Variants in RAB11FIP3 observed in about 807,000 individuals in gnomAD.
The protein encoded by RAB11FIP3 is RAB11 family interacting protein 3.
A neutral mutation model predicts 77.8 loss-of-function variants in RAB11FIP3; 17 were observed. That is an observed-to-expected ratio of 0.22 (90% CI 0.15 to 0.33). The LOEUF is 0.33. RAB11FIP3 is among the 10% of genes least tolerant of loss of function. The pLI is 1.00. For missense variants in RAB11FIP3, 1,005 were observed against 1,011.2 expected (o/e 0.99, Z 0.08); for synonymous variants, 437 against 448.2 (o/e 0.98, Z 0.31).
intron 1 of RAB11FIP3, among the ~76,000 whole-genome samples, chr16:447,733 A>G (rs936368666): frequency 2.0e-5 from 3 of 152,092 alleles, no homozygotes; most frequent in Admixed American, 2.0e-4. Context: ...GCGAGACTCC[A>G]TCTCCAAAAA....
At chr16:477,196 G>A (rs954855068) in intron 3 of RAB11FIP3, among the ~76,000 whole-genome samples, 1 of 152,102 alleles carries the variant, frequency 6.6e-6, no homozygotes, top group Non-Finnish European at 1.5e-5. Context: ...AGAGGTTGCA[G>A]TGAGCCAAGA....
rs558550444 is a variant in RAB11FIP3 at position 427,461 on chromosome 16, C to A, written c.714+741C>A. ...CACAGTACAGTGTGGAAGGGGTCCA[C>A]GCGGTCCTCAGGGCACCTGCTCCTG... On this transcript the variant is annotated intron_variant, in intron 1 of 13. Coordinates refer to ENST00000262305, the MANE Select transcript of RAB11FIP3 (RefSeq NM_014700.4). Among the ~76,000 whole-genome samples the A allele has an allele frequency of 2.2e-4, 34 of 152,336 alleles. 1 individual carries two copies. The South Asian group carries it at 6.8e-3, about 31-fold the overall frequency.
rs2055818846 is a variant in RAB11FIP3 at position 472,030 on chromosome 16, C to T, written c.903+641C>T. On this transcript the variant is annotated intron_variant, in intron 3 of 13. Transcript: ENST00000262305. This position sits in a 1 kb window ranked among gnomAD's most constrained non-coding sequence, Gnocchi z 4.1. ...GCCGCCGGGAAGGTGGAGGTGGCAG[C>T]CGCCAGTCCTGGTCAGCCTGCTGCC... Among the ~76,000 whole-genome samples, 1 of 152,188 alleles carries T rather than the reference C, an allele frequency of 6.6e-6. No individual in the cohort carries two copies.
intron 7 of RAB11FIP3, among the ~76,000 whole-genome samples, chr16:503,954 A>C (rs1203964985): frequency 1.4e-4 from 6 of 43,408 alleles, no homozygotes; most frequent in Admixed American, 3.4e-4. Flanking sequence ...TGTACCCCTC[A>C]TCTCCTCCTG....
At chr16:433,692 C>CAA (rs879788474) in intron 1 of RAB11FIP3, among the ~76,000 whole-genome samples, 2 of 134,106 alleles carry the variant, frequency 1.5e-5, no homozygotes, top group Admixed American at 7.5e-5. Flanking sequence ...ACTAAAAATA[C>CAA]AAAAAAAAAA....
intron 2 of RAB11FIP3, among the ~76,000 whole-genome samples, chr16:463,912 G>T (rs1286918870): frequency 6.6e-6 from 1 of 152,206 alleles, no homozygotes; most frequent in African/African-American, 2.4e-5. Context: ...GCTGCTGTCA[G>T]CGTAGCAGGC....
Position 507,545 on chromosome 16 carries a change from C to G in RAB11FIP3, c.1499+1918C>G, listed in dbSNP as rs959900591. Reference sequence around the variant, plus strand: ...CAGAGGCGTGAGCCACCATGTCCAGCCTAGATGCCTTTGTCGAGTTGACTG... The same window carrying G: ...CAGAGGCGTGAGCCACCATGTCCAGGCTAGATGCCTTTGTCGAGTTGACTG... On this transcript the variant is annotated intron_variant, in intron 8 of 13. Coordinates refer to ENST00000262305, the MANE Select transcript of RAB11FIP3 (RefSeq NM_014700.4). This position sits in a 1 kb window ranked among gnomAD's most constrained non-coding sequence, Gnocchi z 4.6. 5.3e-5 allele frequency among the ~76,000 whole-genome samples: 8 copies of G among 152,368 alleles called. No homozygotes were observed. Among genetic ancestry groups the G allele is most frequent in the Admixed American group, 5.2e-4 (8 of 15,300 alleles).
At chr16:520,655 G>A in intron 13 of RAB11FIP3, 56 bp downstream of exon 13, 14 of 1,610,980 alleles carry the variant, frequency 8.7e-6, no homozygotes, top group Non-Finnish European at 1.2e-5. Context: ...TGCACTGTCT[G>A]TGCGCTGTGG....
Position 488,401 on chromosome 16 carries a change from GATTT to G in RAB11FIP3, c.1116-437_1116-434del, listed in dbSNP as rs1193745841. On this transcript the variant is annotated intron_variant, in intron 4 of 13. Coordinates refer to ENST00000262305, the MANE Select transcript of RAB11FIP3 (RefSeq NM_014700.4). ...TCTCAAAAAAAAAGGTAAAGAAACA[GATTT>G]ATTTATTTATTTTTTTTTTTTGAGA... Among the ~76,000 whole-genome samples, 193 of 145,640 alleles carry G rather than the reference GATTT, an allele frequency of 1.3e-3. 1 individual carries two copies. Among genetic ancestry groups the G allele is most frequent in the African/African-American group, 4.6e-3 (189 of 40,718 alleles).
At chr16:434,901 G>A (rs1367925194) in intron 1 of RAB11FIP3, among the ~76,000 whole-genome samples, 1 of 151,908 alleles carries the variant, frequency 6.6e-6, no homozygotes, top group Non-Finnish European at 1.5e-5. Flanking sequence ...AAAGTCTACT[G>A]TCTACTAAAA....
chr16:494,060 C>T (rs1257418148), intron 5 of RAB11FIP3, among the ~76,000 whole-genome samples: 1 of 67,016 alleles, frequency 1.5e-5, no homozygotes, highest in Non-Finnish European at 2.8e-5. Context: ...CCCATCACCA[C>T]ACCTGGCTAA....
At chr16:503,233 C>A in intron 7 of RAB11FIP3, 136 bp downstream of exon 7, 1 of 646,330 alleles carries the variant, frequency 1.5e-6, no homozygotes. Context: ...GCTCCCCAGA[C>A]TGTCCATCCA....
At chr16:493,807 A>G (rs140951036) in intron 5 of RAB11FIP3, among the ~76,000 whole-genome samples, 117 of 145,264 alleles carry the variant, frequency 8.1e-4, no homozygotes, top group Middle Eastern at 4.1e-3. Context: ...GGGTTTCACC[A>G]TGTCTCAATC....
chr16:508,728 C>G (rs2031991651), intron 8 of RAB11FIP3, among the ~76,000 whole-genome samples: 1 of 152,206 alleles, frequency 6.6e-6, no homozygotes, highest in Admixed American at 6.5e-5. Flanking sequence ...GGGAAGACTT[C>G]TGAAGTTATT....
intron 1 of RAB11FIP3, among the ~76,000 whole-genome samples, chr16:443,781 A>G (rs3785298): frequency 0.09 from 13,633 of 152,214 alleles, 716 homozygotes; most frequent in East Asian, 0.21. Flanking sequence ...AGCCAGGATG[A>G]TCTAGATCTC....
intron 1 of RAB11FIP3, among the ~76,000 whole-genome samples, chr16:436,893 G>T (rs2055139179): frequency 6.6e-6 from 1 of 152,140 alleles, no homozygotes; most frequent in African/African-American, 2.4e-5. Flanking sequence ...AATTCTTAGT[G>T]ACAGAATTAT....
rs1489747788 is a variant in RAB11FIP3 at position 501,781 on chromosome 16, A to G, written c.1302-1223A>G. Among the ~76,000 whole-genome samples, 4 of 146,656 alleles carry G rather than the reference A, an allele frequency of 2.7e-5. No homozygotes were observed. The East Asian group carries it at 8.3e-4, about 30-fold the overall frequency. ...AAGGAAGCTGGGAGAGGGTCCCCCC[A>G]TTTCACAGGCAAGGAAGTTCAGAGA... is the stretch of plus-strand genomic sequence containing the variant. On this transcript the variant is annotated intron_variant, in intron 6 of 13. Transcript: ENST00000262305.
intron 9 of RAB11FIP3, among the ~76,000 whole-genome samples, chr16:513,133 C>G (rs571718086): frequency 1.3e-5 from 2 of 152,330 alleles, no homozygotes; most frequent in Admixed American, 1.3e-4. Context: ...CTTAAAATAT[C>G]TATAATCAGA....
intron 4 of RAB11FIP3, 41 bp downstream of exon 4, chr16:482,777 T>G (rs2056072866): frequency 6.5e-7 from 1 of 1,539,020 alleles, no homozygotes; most frequent in Non-Finnish European, 8.7e-7. Context: ...GGCCTTGGGA[T>G]GTGGCACCCT....
Sources: allele counts gnomAD v4.1 joint callset (sites outside exome capture counted in the v4.1 genomes callset), GRCh38; gene constraint gnomAD v4.1.1; non-coding constraint Gnocchi (gnomAD v3.1); transcripts MANE v1.5; gene names NCBI Gene and HGNC (gene_info 2026-07-23, HGNC 2026-07-21).